Variants in MORC1 observed in about 807,000 individuals in gnomAD.
MORC1 encodes MORC family CW-type zinc finger 1.
MORC1 carries 59 observed loss-of-function variants against 134.9 expected under a neutral mutation model. The ratio of observed to expected loss-of-function variants is 0.44; its 90% CI spans 0.35 to 0.54. The LOEUF is 0.54. MORC1 is among the 20% of genes least tolerant of loss of function. The pLI is 0.00. For synonymous variants in MORC1, 395 were observed against 391.7 expected (o/e 1.01, Z -0.10); for missense variants, 947 against 1,134.5 (o/e 0.83, Z 2.37).
At chr3:109,003,262 C>CAT (rs60788462) in intron 20 of MORC1, among the ~76,000 whole-genome samples, 36,901 of 149,442 alleles carry the variant, frequency 0.25, 4,616 homozygotes, top group Middle Eastern at 0.34. Flanking sequence ...TAAAATTATA[C>CAT]ATATATATAT....
chr3:108,966,063 G>A (rs6809246), intron 26 of MORC1, among the ~76,000 whole-genome samples: 23,329 of 152,132 alleles, frequency 0.15, 1,960 homozygotes, highest in Middle Eastern at 0.26. Flanking sequence ...TTCAAGCTCA[G>A]TGTAAAAGGA....
At chr3:108,973,895 C>T (rs72935334) in intron 24 of MORC1, among the ~76,000 whole-genome samples, 1 of 152,132 alleles carries the variant, frequency 6.6e-6, no homozygotes, top group African/African-American at 2.4e-5. Context: ...CGCACCCGGC[C>T]AATCCAACTA....
chr3:109,012,361 A>G (rs1220414380), intron 17 of MORC1, among the ~76,000 whole-genome samples: 1 of 152,204 alleles, frequency 6.6e-6, no homozygotes, highest in African/African-American at 2.4e-5. Flanking sequence ...TATTATGAGT[A>G]TTAAAATTAG....
intron 2 of MORC1, among the ~76,000 whole-genome samples, chr3:109,112,930 T>C (rs1249948323): frequency 3.3e-5 from 5 of 152,350 alleles, no homozygotes; most frequent in Middle Eastern, 3.4e-3. Context: ...CAATCTTTCT[T>C]TCCCAATCAA....
At position 109,059,771 on chromosome 3, in the gene MORC1, G is replaced by A. The variant is rs1950038319; in HGVS notation, c.1031+35C>T. On this transcript the variant is annotated intron_variant, in intron 12 of 27. Coordinates refer to ENST00000232603, the MANE Select transcript of MORC1 (RefSeq NM_014429.4). Reference sequence around the variant, plus strand: ...CCAGAATTTGTTTTAACAGAGTACAGAGGATTCCTGCAAACAGAAAACCTT... The same window carrying A: ...CCAGAATTTGTTTTAACAGAGTACAAAGGATTCCTGCAAACAGAAAACCTT... 3 of 1,587,704 alleles carry A rather than the reference G, an allele frequency of 1.9e-6. No homozygotes were observed. In the South Asian group the frequency reaches 3.4e-5, roughly 18 times the overall value.
intron 20 of MORC1, among the ~76,000 whole-genome samples, chr3:109,003,993 TCC>T (rs1487194410): frequency 6.6e-6 from 1 of 152,128 alleles, no homozygotes; most frequent in Non-Finnish European, 1.5e-5. Context: ...TCAAAATAAT[TCC>T]TTTTGAAGCT....
chr3:108,964,628 A>C (rs1340870855), intron 26 of MORC1, among the ~76,000 whole-genome samples: 1 of 152,224 alleles, frequency 6.6e-6, no homozygotes, highest in Non-Finnish European at 1.5e-5. Flanking sequence ...ATTCTGTTTA[A>C]TAAATATTCA....
intron 12 of MORC1, among the ~76,000 whole-genome samples, chr3:109,058,307 G>C (rs535063578): frequency 2.0e-5 from 3 of 152,044 alleles, no homozygotes; most frequent in African/African-American, 7.2e-5. Flanking sequence ...CTAGCCACTT[G>C]TGATGTCATA....
intron 21 of MORC1, among the ~76,000 whole-genome samples, chr3:108,990,293 A>T (rs890655554): frequency 2.6e-5 from 4 of 152,204 alleles, no homozygotes; most frequent in African/African-American, 9.6e-5. Context: ...GAAGAAAAAT[A>T]ACACAGGTGA....
intron 17 of MORC1, among the ~76,000 whole-genome samples, chr3:109,025,468 G>A (rs777059945): frequency 3.8e-5 from 5 of 132,502 alleles, no homozygotes; most frequent in Non-Finnish European, 7.6e-5. Context: ...TGCAACTTCT[G>A]CCTCCCAGGT....
intron 24 of MORC1, among the ~76,000 whole-genome samples, chr3:108,977,668 C>T (rs1947599313): frequency 6.6e-6 from 1 of 152,280 alleles, no homozygotes; most frequent in Admixed American, 6.5e-5. Context: ...TACTACTATG[C>T]TTTAGTGACC....
In MORC1 at chr3:108,963,603, C is replaced by T. The variant is rs1434464424; in HGVS notation, c.2610G>A (p.Gln870=). The part of the protein sequence containing the change: ...KKLKMCFNQI[Q]NTYMVQYEKK... ...TTTCATATTGGACCATGTAAGTATTCTGTATCTGGGAATGTTTTAAAAACA... is the reference window on the plus strand; with the variant it reads ...TTTCATATTGGACCATGTAAGTATTTTGTATCTGGGAATGTTTTAAAAACA... Residue 870 remains glutamine, a synonymous_variant, in exon 27 of 28, where the codon CAG becomes CAA. Coordinates refer to ENST00000232603, the MANE Select transcript of MORC1 (RefSeq NM_014429.4). 18 of 1,541,448 alleles carry T rather than the reference C, an allele frequency of 1.2e-5. No individual in the cohort carries two copies. In the Admixed American group the frequency reaches 3.6e-4, roughly 31 times the overall value.
In MORC1 at chr3:109,013,735, T is replaced by TC. The variant is rs1467213928; in HGVS notation, c.1705-6645dup. On this transcript the variant is annotated intron_variant, in intron 17 of 27. Coordinates refer to ENST00000232603, the MANE Select transcript of MORC1 (RefSeq NM_014429.4). ...ACATCTATGCTATGGCTTGAATGTG[T>TC]CCCCCCAAAAGCATGTACTGGAAAC... 2.6e-5 allele frequency among the ~76,000 whole-genome samples: 4 copies of TC among 152,168 alleles called. No homozygotes were observed. The East Asian group carries it at 7.7e-4, about 29-fold the overall frequency.
intron 12 of MORC1, 111 bp downstream of exon 12, chr3:109,059,695 C>T: frequency 1.2e-6 from 1 of 809,312 alleles, no homozygotes. Flanking sequence ...TAAGATGTCA[C>T]AAGCTGAAAA....
chr3:109,034,754 A>T (rs115848803), intron 15 of MORC1, among the ~76,000 whole-genome samples: 3 of 118,656 alleles, frequency 2.5e-5, no homozygotes, highest in African/African-American at 5.2e-5. Context: ...TTAATTAATT[A>T]ATTTATTTTT....
intron 9 of MORC1, among the ~76,000 whole-genome samples, chr3:109,066,208 C>A (rs1414890791): frequency 6.6e-6 from 1 of 151,948 alleles, no homozygotes; most frequent in African/African-American, 2.4e-5. Flanking sequence ...GATATTTTAT[C>A]ATCAATTTTA....
At chr3:109,040,121 C>G (rs542299783) in intron 14 of MORC1, among the ~76,000 whole-genome samples, 3 of 151,658 alleles carry the variant, frequency 2.0e-5, no homozygotes, top group African/African-American at 7.3e-5. Context: ...CAACAAAAAA[C>G]AGTAAGTCTT....
rs58831825 is a variant in MORC1, at chr3:109,115,328, A to AACAC, written c.66-895_66-892dup. Reference sequence around the variant, plus strand: ...ACTTTAGTTTAAAATGTATTTTTAAAACACACACACACACACACACACACA... The same window carrying AACAC: ...ACTTTAGTTTAAAATGTATTTTTAAAACACACACACACACACACACACACACACA... On this transcript the variant is annotated intron_variant, in intron 1 of 27. Transcript: ENST00000232603. 8.1e-3 allele frequency among the ~76,000 whole-genome samples: 1,202 copies of AACAC among 148,746 alleles called. 4 individuals are homozygous for AACAC. The highest frequency in any genetic ancestry group is 0.012 in the Non-Finnish European group (782 of 67,108).
At chr3:109,079,104 T>G (rs1278338799) in intron 8 of MORC1, among the ~76,000 whole-genome samples, 4 of 151,960 alleles carry the variant, frequency 2.6e-5, no homozygotes, top group African/African-American at 9.7e-5. Flanking sequence ...GGGAAGAAAT[T>G]CCCAACTCAT....
Sources: allele counts gnomAD v4.1 joint callset (sites outside exome capture counted in the v4.1 genomes callset), GRCh38; gene constraint gnomAD v4.1.1; transcripts MANE v1.5; gene names NCBI Gene and HGNC (gene_info 2026-07-23, HGNC 2026-07-21).